Variants in PCDHA10 observed in about 807,000 individuals in gnomAD.
The protein encoded by PCDHA10 is protocadherin alpha 10.
PCDHA10 carries 45 observed loss-of-function variants against 61.2 expected under a neutral mutation model. The observed-to-expected ratio is 0.74, with a 90% CI of 0.58 to 0.94. The LOEUF (loss-of-function observed/expected upper bound fraction) is 0.94, where lower values mean the gene tolerates loss of function less well. Ranked by LOEUF, PCDHA10 falls within the 40% of genes least tolerant of loss-of-function variation. The probability of loss-of-function intolerance (pLI) is 0.00; values close to 1 mark genes in which losing one functional copy is unlikely to be tolerated. For synonymous variants in PCDHA10, 602 were observed against 548.8 expected (o/e 1.10, Z -1.35); for missense variants, 1,278 against 1,236.2 (o/e 1.03, Z -0.51).
chr5:140,926,464 A>C (rs1445781673), intron 1 of PCDHA10: 1 of 159,892 alleles, frequency 6.3e-6, no homozygotes, highest in Non-Finnish European at 1.4e-5. Flanking sequence ...TGTCCTAGAA[A>C]ACACCGTTTA....
intron 1 of PCDHA10, among the ~76,000 whole-genome samples, chr5:140,936,711 A>G (rs2091105126): frequency 6.6e-6 from 1 of 152,212 alleles, no homozygotes; most frequent in African/African-American, 2.4e-5. Flanking sequence ...TCTTGTGCCA[A>G]TACATTCTGT....
intron 1 of PCDHA10, chr5:140,858,758 A>G (rs1474709962): frequency 4.4e-6 from 2 of 458,304 alleles, no homozygotes; most frequent in Non-Finnish European, 7.8e-6. Flanking sequence ...TTCGTTACAA[A>G]TATTTGTGAG....
chr5:140,877,480 G>A (rs782077464), intron 1 of PCDHA10: 3 of 1,613,888 alleles, frequency 1.9e-6, no homozygotes, highest in Non-Finnish European at 8.5e-7. Context: ...GGTGTCGCTG[G>A]TGGAGAACGG....
intron 1 of PCDHA10, among the ~76,000 whole-genome samples, chr5:140,912,714 C>T (rs1312540155): frequency 6.6e-6 from 1 of 152,088 alleles, no homozygotes; most frequent in African/African-American, 2.4e-5. Context: ...CAACTTTTCT[C>T]CATTCAATAT....
chr5:140,953,456 C>T (rs1159331179), intron 1 of PCDHA10, among the ~76,000 whole-genome samples: 1 of 152,110 alleles, frequency 6.6e-6, no homozygotes, highest in Admixed American at 6.5e-5. Context: ...GATTATCTGT[C>T]AGAGTTTTAA....
At chr5:140,946,875 G>C (rs1283632599) in intron 1 of PCDHA10, among the ~76,000 whole-genome samples, 2 of 151,288 alleles carry the variant, frequency 1.3e-5, no homozygotes, top group Non-Finnish European at 3.0e-5. Context: ...TGGTCAATGG[G>C]TACGAAGTTA....
intron 1 of PCDHA10, chr5:140,860,899 G>C (rs940246442): frequency 6.6e-6 from 1 of 152,256 alleles, no homozygotes; most frequent in Admixed American, 6.6e-5. Flanking sequence ...CAACACGCCA[G>C]GCTAATTTTT....
chr5:140,894,446 T>A (rs981858089), intron 1 of PCDHA10, among the ~76,000 whole-genome samples: 18 of 152,000 alleles, frequency 1.2e-4, no homozygotes, highest in African/African-American at 3.4e-4. Context: ...AGCTCTTTTT[T>A]AAAAAATATT....
rs199902550 is a variant in PCDHA10 at position 140,965,368 on chromosome 5, A to C, written c.2389-13581A>C. On this transcript the variant is annotated intron_variant, in intron 1 of 3. Transcript: ENST00000307360. ...TTGCCTCTATAGCAGTACAAGAGGAAACTTGGGGACACAGAAGAACAGAAG... is the reference window on the plus strand; with the variant it reads ...TTGCCTCTATAGCAGTACAAGAGGACACTTGGGGACACAGAAGAACAGAAG... 8.5e-5 allele frequency among the ~76,000 whole-genome samples: 13 copies of C among 152,290 alleles called. No homozygotes were observed. The East Asian group carries it at 2.5e-3, about 29-fold the overall frequency.
chr5:140,915,367 G>A lies in PCDHA10; in HGVS notation c.2388+56931G>A, dbSNP rs185020793. On this transcript the variant is annotated intron_variant, in intron 1 of 3. Coordinates refer to ENST00000307360, the MANE Select transcript of PCDHA10 (RefSeq NM_018901.4). Reference sequence around the variant, plus strand: ...TCTGTATGCCTATTCTTACCAGTAAGTGTCTCGGCATTGAAGAGCTAGGTA... The same window carrying A: ...TCTGTATGCCTATTCTTACCAGTAAATGTCTCGGCATTGAAGAGCTAGGTA... Among the ~76,000 whole-genome samples, 5 of 152,278 alleles carry A rather than the reference G, an allele frequency of 3.3e-5. No individual in the cohort carries two copies. In the East Asian group the frequency reaches 9.7e-4, roughly 29 times the overall value.
intron 1 of PCDHA10, among the ~76,000 whole-genome samples, chr5:140,931,876 T>G (rs533517349): frequency 1.3e-5 from 2 of 152,112 alleles, no homozygotes; most frequent in South Asian, 4.1e-4. Context: ...AAATATTTAT[T>G]GCTTTCATTT....
chr5:140,937,317 G>C (rs1282380622), intron 1 of PCDHA10, among the ~76,000 whole-genome samples: 1 of 152,048 alleles, frequency 6.6e-6, no homozygotes, highest in Non-Finnish European at 1.5e-5. Context: ...GATTACAGGC[G>C]TGAGCCACCG....
chr5:140,933,752 A>T (rs1308245960), intron 1 of PCDHA10, among the ~76,000 whole-genome samples: 1 of 152,068 alleles, frequency 6.6e-6, no homozygotes, highest in African/African-American at 2.4e-5. Context: ...AGAATTCACT[A>T]GTGAAGCTCT....
intron 1 of PCDHA10, among the ~76,000 whole-genome samples, chr5:140,934,420 C>T (rs559621314): frequency 1.1e-4 from 16 of 152,184 alleles, no homozygotes; most frequent in Non-Finnish European, 1.8e-4. Flanking sequence ...TTTGCATTAT[C>T]AATGCAAGTG....
chr5:140,969,803 T>G, intron 1 of PCDHA10, among the ~76,000 whole-genome samples: 1 of 152,248 alleles, frequency 6.6e-6, no homozygotes, highest in South Asian at 2.1e-4. Context: ...ATCTGCTGTC[T>G]CTGTTTATAC....
intron 3 of PCDHA10, among the ~76,000 whole-genome samples, chr5:140,999,739 T>C (rs2097873545): frequency 6.6e-6 from 1 of 152,196 alleles, no homozygotes; most frequent in Admixed American, 6.5e-5. Flanking sequence ...AATGTTTGAA[T>C]CTGGGTTCGC....
chr5:140,871,218 G>C, intron 1 of PCDHA10: 19 of 1,613,884 alleles, frequency 1.2e-5, no homozygotes, highest in Non-Finnish European at 1.6e-5. Context: ...CCATCTGCGT[G>C]GTGTCCAGCC....
At position 140,932,324 on chromosome 5, in the gene PCDHA10, A is replaced by C. The variant is rs188019504; in HGVS notation, c.2389-46625A>C. On this transcript the variant is annotated intron_variant, in intron 1 of 3. Coordinates refer to ENST00000307360, the MANE Select transcript of PCDHA10 (RefSeq NM_018901.4). Reference sequence around the variant, plus strand: ...AAAGGTATAAATATATTAATGTAGCAAAAATGCATGAAACACTTACCATAC... The same window carrying C: ...AAAGGTATAAATATATTAATGTAGCCAAAATGCATGAAACACTTACCATAC... Among the ~76,000 whole-genome samples the C allele has an allele frequency of 5.8e-3, 886 of 152,084 alleles. 7 individuals are homozygous for C. The highest frequency in any genetic ancestry group is 0.021 in the African/African-American group (858 of 41,564).
chr5:140,985,273 T>C (rs1554246915), intron 3 of PCDHA10, among the ~76,000 whole-genome samples: 1 of 152,178 alleles, frequency 6.6e-6, no homozygotes, highest in African/African-American at 2.4e-5. Context: ...GGACTACTTT[T>C]CTGCAATCTA....
Sources: gnomAD v4.1 joint callset for allele counts (sites outside exome capture counted in the v4.1 genomes callset) on GRCh38, gnomAD v4.1.1 for gene constraint, MANE v1.5 for transcripts, NCBI Gene and HGNC (gene_info 2026-07-23, HGNC 2026-07-21) for gene names.